The following DCP1A variants were observed in gnomAD, a reference collection of about 807,000 sequenced individuals.
The protein encoded by DCP1A is mRNA-decapping enzyme 1A.
A neutral mutation model predicts 58.0 loss-of-function variants in DCP1A; 20 were observed. The ratio of observed to expected loss-of-function variants is 0.34; its 90% CI spans 0.24 to 0.50. The LOEUF (loss-of-function observed/expected upper bound fraction) is 0.50. DCP1A is among the 20% of genes least tolerant of loss of function. DCP1A has a pLI of 0.98. For missense variants in DCP1A, 613 were observed against 712.2 expected (o/e 0.86, Z 1.59); for synonymous variants, 285 against 275.1 (o/e 1.04, Z -0.36).
chr3:53,306,517 G>A (rs2106824685), intron 5 of DCP1A, among the ~76,000 whole-genome samples: 1 of 152,160 alleles, frequency 6.6e-6, no homozygotes, highest in South Asian at 2.1e-4. Context: ...AAGAGTTCAA[G>A]ACCAGCCTGG....
intron 9 of DCP1A, 112 bp from the exon 10 acceptor site, chr3:53,287,772 T>A (rs1424727971): frequency 5.3e-6 from 4 of 759,490 alleles, no homozygotes; most frequent in Non-Finnish European, 9.1e-6. Flanking sequence ...GTATAACTGA[T>A]AATCCCACCA....
At chr3:53,324,962 A>T (rs1467783642) in intron 3 of DCP1A, among the ~76,000 whole-genome samples, 3 of 152,202 alleles carry the variant, frequency 2.0e-5, no homozygotes, top group African/African-American at 7.2e-5. Context: ...TAAGAATATC[A>T]AACATTAAAT....
chr3:53,345,043 C>G, intron 1 of DCP1A, 101 bp from the exon 2 acceptor site: 1 of 895,786 alleles, frequency 1.1e-6, no homozygotes, highest in Non-Finnish European at 1.7e-6. Flanking sequence ...CAACTTGTTT[C>G]ATTTCATCTA....
At chr3:53,290,282 C>T (rs1553685775) in intron 8 of DCP1A, among the ~76,000 whole-genome samples, 2 of 152,174 alleles carry the variant, frequency 1.3e-5, no homozygotes, top group Non-Finnish European at 2.9e-5. Context: ...AATGAGAGGA[C>T]TATAGCAGGA....
intron 6 of DCP1A, among the ~76,000 whole-genome samples, chr3:53,300,839 G>C (rs182475552): frequency 1.7e-3 from 253 of 152,144 alleles, no homozygotes; most frequent in Non-Finnish European, 3.4e-4. Context: ...TTAGAGACAG[G>C]GTTTCACCAT....
At chr3:53,310,011 G>T (rs558680162) in intron 5 of DCP1A, among the ~76,000 whole-genome samples, 2 of 152,192 alleles carry the variant, frequency 1.3e-5, no homozygotes, top group South Asian at 4.1e-4. Context: ...TGAATTCATG[G>T]GTCACTGCTT....
intron 1 of DCP1A, 37 bp downstream of exon 1, chr3:53,347,346 G>T (rs893212417): frequency 6.6e-7 from 1 of 1,515,282 alleles, no homozygotes; most frequent in Non-Finnish European, 8.8e-7. Flanking sequence ...AGACGGCAGC[G>T]GCCGGGTGGC....
At chr3:53,323,632 C>A (rs1708032832) in intron 3 of DCP1A, among the ~76,000 whole-genome samples, 1 of 152,014 alleles carries the variant, frequency 6.6e-6, no homozygotes, top group African/African-American at 2.4e-5. Context: ...TTTTGGGAGG[C>A]TGAGGTGGGT....
At chr3:53,299,037 A>G (rs1707225463) in intron 6 of DCP1A, among the ~76,000 whole-genome samples, 1 of 152,224 alleles carries the variant, frequency 6.6e-6, no homozygotes, top group Non-Finnish European at 1.5e-5. Context: ...TTGTGAAAGT[A>G]TAAATACACT....
intron 5 of DCP1A, among the ~76,000 whole-genome samples, chr3:53,308,141 A>C (rs1295012574): frequency 2.6e-5 from 4 of 152,226 alleles, no homozygotes; most frequent in Admixed American, 2.0e-4. Flanking sequence ...TCTAGGTGGT[A>C]GAACTATGAT....
intron 3 of DCP1A, chr3:53,338,097 G>A (rs797022789): frequency 4.3e-5 from 18 of 421,094 alleles, no homozygotes; most frequent in African/African-American, 2.9e-4. Flanking sequence ...TTACCTTTGC[G>A]AATCTCGAGC....
intron 7 of DCP1A, 83 bp from the exon 8 acceptor site, chr3:53,290,939 TC>T: frequency 8.1e-7 from 1 of 1,234,228 alleles, no homozygotes; most frequent in Non-Finnish European, 1.2e-6. Flanking sequence ...AAAAAGACTT[TC>T]CCAGTGGAAA....
rs1707394734 is a variant in DCP1A, at chr3:53,304,174, A to T, written c.624+3T>A. On this transcript the variant is annotated splice_donor_region_variant and intron_variant, in intron 6 of 9. Coordinates refer to ENST00000610213, the MANE Select transcript of DCP1A (RefSeq NM_018403.7). ...ACAAAGCTAGAGCTTTAGCTGTACA[A>T]ACCTTATCCTGTGACCCGGAGGGCA... 6.2e-7 allele frequency: 1 copy of T among 1,605,924 alleles called. No individual in the cohort carries two copies. Among genetic ancestry groups the T allele is most frequent in the Non-Finnish European group, 8.5e-7 (1 of 1,173,310 alleles).
chr3:53,333,429 C>T (rs1277547298), intron 3 of DCP1A, among the ~76,000 whole-genome samples: 2 of 152,112 alleles, frequency 1.3e-5, no homozygotes, highest in Non-Finnish European at 2.9e-5. Flanking sequence ...TAGGCGTGAG[C>T]CACTGCGCCT....
Position 53,284,203 on chromosome 3 carries a change from C to T in DCP1A, c.*3377G>A, listed in dbSNP as rs1706539842. The T allele has an allele frequency of 6.6e-6, 1 of 152,258 alleles. No homozygotes were observed. Among genetic ancestry groups the T allele is most frequent in the Non-Finnish European group, 1.5e-5 (1 of 68,070 alleles). The allele number at this position is 152,258 out of a possible 1,614,324, so 9.4% of individuals were successfully genotyped here. A position where few individuals can be genotyped will look rare whatever the true frequency, so the allele number is the denominator to read the frequency against. On this transcript the variant is annotated 3_prime_UTR_variant, in exon 10 of 10. Transcript: ENST00000610213. ...CTCGTGCCTGTGCCACCTCTCATTC[C>T]TCTCAGAGTTACAGTATGATGGCTG...
rs779714069 is a variant in DCP1A, at chr3:53,312,289, G to A, written c.462C>T (p.Pro154=). The A allele has an allele frequency of 1.2e-6, 2 of 1,613,274 alleles. No individual in the cohort carries two copies. Among genetic ancestry groups the A allele is most frequent in the Non-Finnish European group, 1.7e-6 (2 of 1,179,686 alleles). The change falls in exon 5 of 10, where the codon CCC becomes CCT. Residue 154 remains proline, a synonymous_variant. Coordinates refer to ENST00000610213, the MANE Select transcript of DCP1A (RefSeq NM_018403.7). ...SQANGCSDHR[P]IDILEMLSRA... ...TGCTCAGCATCTCCAGGATGTCGAT[G>A]GGCCTGTGGTCGCTGCAGCCATTGG...
At chr3:53,293,418 A>G (rs188278154) in intron 6 of DCP1A, among the ~76,000 whole-genome samples, 1 of 152,322 alleles carries the variant, frequency 6.6e-6, no homozygotes, top group Non-Finnish European at 1.5e-5. Flanking sequence ...TTCAAAGGAA[A>G]AACATTCGTG....
At position 53,342,197 on chromosome 3, in the gene DCP1A, T is replaced by G. The variant is rs1553692602; in HGVS notation, c.251A>C (p.Lys84Thr). Residue 84 changes from lysine to threonine, a missense_variant, in exon 3 of 10, where the codon AAA becomes ACA. By Grantham distance (78) the Lys-to-Thr change is moderately conservative. Transcript: ENST00000610213. Reference protein sequence around the residue: ...NMHNLVEPVNKDLEFQLHEPF... With the variant: ...NMHNLVEPVNTDLEFQLHEPF... Reference sequence around the variant, plus strand: ...TTCATGGAGCTGAAATTCCAAATCTTTATTCACTGGTTCAACTAGATTGTG... The same window carrying G: ...TTCATGGAGCTGAAATTCCAAATCTGTATTCACTGGTTCAACTAGATTGTG... The G allele has an allele frequency of 6.2e-7, 1 of 1,604,418 alleles. No homozygotes were observed. Among genetic ancestry groups the G allele is most frequent in the South Asian group, 1.1e-5 (1 of 89,638 alleles).
chr3:53,325,708 G>T (rs1708086507), intron 3 of DCP1A, among the ~76,000 whole-genome samples: 1 of 152,162 alleles, frequency 6.6e-6, no homozygotes, highest in African/African-American at 2.4e-5. Context: ...ACAAGAATAA[G>T]CATGGAGGCT....
Sources: allele counts gnomAD v4.1 joint callset (sites outside exome capture counted in the v4.1 genomes callset), GRCh38; gene constraint gnomAD v4.1.1; transcripts MANE v1.5; gene names NCBI Gene and HGNC (gene_info 2026-07-23, HGNC 2026-07-21).